Variants in HOXC11 observed in about 807,000 individuals in gnomAD.
HOXC11 encodes the protein homeobox C11.
A neutral mutation model predicts 23.6 loss-of-function variants in HOXC11; 17 were observed. The ratio of observed to expected loss-of-function variants is 0.72; its 90% CI spans 0.49 to 1.08. HOXC11 has a LOEUF of 1.08. Among genes scored for constraint, HOXC11 ranks in the 50% least tolerant of loss-of-function variants. HOXC11 has a pLI of 0.00. For synonymous variants in HOXC11, 196 were observed against 183.8 expected (o/e 1.07, Z -0.54); for missense variants, 413 against 412.1 (o/e 1.00, Z -0.02).
At position 53,976,120 on chromosome 12, in the gene HOXC11, G is replaced by C. The variant is rs1011221103; in HGVS notation, c.*707G>C. 1 of 182,978 alleles carries C rather than the reference G, an allele frequency of 5.5e-6. No individual in the cohort carries two copies. Among genetic ancestry groups the C allele is most frequent in the Admixed American group, 7.3e-5 (1 of 13,710 alleles). 11.3% of individuals were successfully genotyped at this position (182,978 alleles called of 1,614,324 possible). On this transcript the variant is annotated 3_prime_UTR_variant, in exon 2 of 2. Coordinates refer to ENST00000546378, the MANE Select transcript of HOXC11 (RefSeq NM_014212.4). ...ATTTATAGCTATAGTCTATGCAGTC[G>C]TTACCTCTTTTTTTTTTTTTTTTAA...
At position 53,973,279 on chromosome 12, in the gene HOXC11, C is replaced by G. The variant is rs1378508997; in HGVS notation, c.38C>G (p.Pro13Arg). ...GTCAACCTGGGCAACTTCTGCTCTCCGTCGCGCAAGGAGAGGGGCGCAGAT... is the reference window on the plus strand; with the variant it reads ...GTCAACCTGGGCAACTTCTGCTCTCGGTCGCGCAAGGAGAGGGGCGCAGAT... ...NSVNLGNFCS[P>R]SRKERGADFG... The change falls in exon 1 of 2, where the codon CCG becomes CGG. Residue 13 changes from proline to arginine, a missense_variant. Pro to Arg is a moderately radical substitution (Grantham distance 103). Transcript: ENST00000546378. This position sits in a 1 kb window ranked among gnomAD's most constrained non-coding sequence, Gnocchi z 4.3. 2.5e-6 allele frequency: 4 copies of G among 1,613,030 alleles called. No individual in the cohort carries two copies. In the African/African-American group the frequency reaches 5.3e-5, roughly 22 times the overall value.
chr12:53,973,387 C>A lies in HOXC11; in HGVS notation c.146C>A (p.Ser49Tyr), dbSNP rs1337775122. 2.2e-5 allele frequency: 35 copies of A among 1,614,208 alleles called. No individual in the cohort carries two copies. The highest frequency in any genetic ancestry group is 3.0e-5 in the Non-Finnish European group (35 of 1,180,046). Residue 49 changes from serine (S) to tyrosine (Y), a missense_variant, in exon 1 of 2, where the codon TCC becomes TAC. Coordinates refer to ENST00000546378, the MANE Select transcript of HOXC11 (RefSeq NM_014212.4). This position sits in a 1 kb window ranked among gnomAD's most constrained non-coding sequence, Gnocchi z 4.3. ...ATGCCCGAGTTCTCCACGGTCTCCT[C>A]CTTCCTGCCCCAGGCCCCCTCTCGT... ...YYMPEFSTVS[S>Y]FLPQAPSRQI...
Position 53,975,108 on chromosome 12 carries a change from G to A in HOXC11, c.683-73G>A, listed in dbSNP as rs1054246004. 3 of 702,308 alleles carry A rather than the reference G, an allele frequency of 4.3e-6. No homozygotes were observed. The South Asian group carries it at 5.5e-5, about 13-fold the overall frequency. The allele number at this position is 702,308 out of a possible 1,614,324, so 43.5% of individuals were successfully genotyped here. On this transcript the variant is annotated intron_variant, in intron 1 of 1. Transcript: ENST00000546378. ...GGAGAAGGGCCGCTGAGCGCTCAGC[G>A]GGCTGGGGTCGCCCGGGTCTCACGT...
intron 1 of HOXC11, among the ~76,000 whole-genome samples, chr12:53,974,578 G>T (rs1180398443): frequency 6.6e-6 from 1 of 152,148 alleles, no homozygotes; most frequent in Non-Finnish European, 1.5e-5. Context: ...CTGCGTTCCA[G>T]GCGGGGGTCT....
At chr12:53,974,880 G>A (rs1364772969) in intron 1 of HOXC11, 1 of 313,992 alleles carries the variant, frequency 3.2e-6, no homozygotes, top group Non-Finnish European at 5.8e-6. Flanking sequence ...CAGGGGGCCC[G>A]AGGGGACGCA....
intron 1 of HOXC11, 108 bp from the exon 2 acceptor site, chr12:53,975,073 C>G: frequency 1.7e-6 from 1 of 603,854 alleles, no homozygotes; most frequent in Non-Finnish European, 2.9e-6. Context: ...GGGCTGCCCG[C>G]GGTGGGCTAG....
Position 53,976,502 on chromosome 12 carries a change from G to GC in HOXC11, c.*1089_*1090insC, listed in dbSNP as rs1169265798. On this transcript the variant is annotated 3_prime_UTR_variant, in exon 2 of 2. Coordinates refer to ENST00000546378, the MANE Select transcript of HOXC11 (RefSeq NM_014212.4). Reference sequence around the variant, plus strand: ...TCCCATGGCAGCGGCGGAGGAGGAGGAGGCAGGCAGGCAGAGCCCAGCGGG... The same window carrying GC: ...TCCCATGGCAGCGGCGGAGGAGGAGGCAGGCAGGCAGGCAGAGCCCAGCGGG... The GC allele has an allele frequency of 1.7e-5, 3 of 175,262 alleles. No homozygotes were observed. Among genetic ancestry groups the GC allele is most frequent in the Non-Finnish European group, 3.7e-5 (3 of 81,082 alleles). The allele number at this position is 175,262 out of a possible 1,614,324, so 10.9% of individuals were successfully genotyped here. A position where few individuals can be genotyped will look rare whatever the true frequency, so the allele number is the denominator to read the frequency against.
chr12:53,974,322 G>C (rs986136349), intron 1 of HOXC11, among the ~76,000 whole-genome samples: 6 of 151,700 alleles, frequency 4.0e-5, no homozygotes, highest in African/African-American at 1.5e-4. Flanking sequence ...GGAGGGGAGG[G>C]GTGGAGGGGG....
chr12:53,974,786 C>G (rs573081449), intron 1 of HOXC11: 1 of 169,468 alleles, frequency 5.9e-6, no homozygotes, highest in East Asian at 1.7e-4. Context: ...CAGCTTTCCC[C>G]CCAGATTTCT....
rs1051786000 is a variant in HOXC11, at chr12:53,973,961, G to A, written c.682+38G>A. ...GGCCGGGGAACGGGCGGGCAGCGAG[G>A]GAGGGAGCGAGAGAGGGAGGGCGAG... On this transcript the variant is annotated intron_variant, in intron 1 of 1. Transcript: ENST00000546378. The surrounding 1 kb of genome is among the most constrained non-coding windows in gnomAD (Gnocchi z 4.3). 10 of 1,429,192 alleles carry A rather than the reference G, an allele frequency of 7.0e-6. No individual in the cohort carries two copies. The highest frequency in any genetic ancestry group is 9.2e-6 in the Non-Finnish European group (10 of 1,089,556). 88.5% of individuals were successfully genotyped at this position (1,429,192 alleles called of 1,614,324 possible). A position where few individuals can be genotyped will look rare whatever the true frequency, so the allele number is the denominator to read the frequency against.
Position 53,973,464 on chromosome 12 carries a change from T to C in HOXC11, c.223T>C (p.Tyr75His), listed in dbSNP as rs756007846. ...AGTGCCCCCGGTCCGGGAGGTCTCC[T>C]ACGGCCTGGAGCCATCCGGCAAGTG... ...AQVPPVREVS[Y>H]GLEPSGKWHH... Residue 75 changes from tyrosine (Y) to histidine (H), a missense_variant, in exon 1 of 2, where the codon TAC (tyrosine) becomes CAC (histidine). Tyr to His is a moderately conservative substitution (Grantham distance 83, BLOSUM62 2). Coordinates refer to ENST00000546378, the MANE Select transcript of HOXC11 (RefSeq NM_014212.4). The surrounding 1 kb of genome is among the most constrained non-coding windows in gnomAD (Gnocchi z 4.3). The C allele has an allele frequency of 1.9e-6, 3 of 1,614,136 alleles. No homozygotes were observed. The highest frequency in any genetic ancestry group is 2.2e-5 in the East Asian group (1 of 44,864).
chr12:53,975,054 C>T, intron 1 of HOXC11, 127 bp from the exon 2 acceptor site: 1 of 596,656 alleles, frequency 1.7e-6, no homozygotes, highest in Non-Finnish European at 3.0e-6. Context: ...AGCCAGCCGC[C>T]TGGCGGGAGG....
Position 53,976,125 on chromosome 12 carries a change from C to CACTTTT in HOXC11, c.*712_*713insACTTTT. On this transcript the variant is annotated 3_prime_UTR_variant, in exon 2 of 2. Coordinates refer to ENST00000546378, the MANE Select transcript of HOXC11 (RefSeq NM_014212.4). ...TAGCTATAGTCTATGCAGTCGTTAC[C>CACTTTT]TCTTTTTTTTTTTTTTTTAAGAAAA... 1.4e-5 allele frequency: 2 copies of CACTTTT among 146,580 alleles called. No homozygotes were observed. Among genetic ancestry groups the CACTTTT allele is most frequent in the African/African-American group, 4.8e-5 (1 of 20,674 alleles). 9.1% of individuals were successfully genotyped at this position (146,580 alleles called of 1,614,324 possible).
chr12:53,974,034 A>C (rs544712847), intron 1 of HOXC11, 111 bp downstream of exon 1: 1 of 866,104 alleles, frequency 1.2e-6, no homozygotes, highest in Non-Finnish European at 1.7e-6. Flanking sequence ...GTTTTGGGTC[A>C]GTCCGATTTT....
rs1413352928 is a variant in HOXC11, at chr12:53,977,193, A to G, written c.*1780A>G. 2 of 152,218 alleles carry G rather than the reference A, an allele frequency of 1.3e-5. No homozygotes were observed. Among genetic ancestry groups the G allele is most frequent in the African/African-American group, 4.8e-5 (2 of 41,450 alleles). 9.4% of individuals were successfully genotyped at this position (152,218 alleles called of 1,614,324 possible). ...TATATTTGCTGCATGTTTCTTCTGT[A>G]TAAAGATAATCATGGCCCTTGCAGT... On this transcript the variant is annotated 3_prime_UTR_variant, in exon 2 of 2. Transcript: ENST00000546378.
At position 53,973,820 on chromosome 12, in the gene HOXC11, T is replaced by G; in HGVS notation, c.579T>G (p.Ala193=). 6.8e-7 allele frequency: 1 copy of G among 1,467,636 alleles called. No homozygotes were observed. The highest frequency in any genetic ancestry group is 9.1e-7 in the Non-Finnish European group (1 of 1,101,142). 90.9% of individuals were successfully genotyped at this position (1,467,636 alleles called of 1,614,324 possible). A position where few individuals can be genotyped will look rare whatever the true frequency, so the allele number is the denominator to read the frequency against. ...CGGCCTCGGGACTGGCGTCCCGGGC[T>G]GAGGCGGGTGCCGAGGCGGAGGCTG... is the stretch of plus-strand genomic sequence containing the variant. The part of the protein sequence containing the change: ...APPASGLASR[A]EAGAEAEAEE... The change falls in exon 1 of 2, where the codon GCT becomes GCG. Residue 193 remains alanine (A), a synonymous_variant. Coordinates refer to ENST00000546378, the MANE Select transcript of HOXC11 (RefSeq NM_014212.4). The surrounding 1 kb of genome is among the most constrained non-coding windows in gnomAD (Gnocchi z 4.3).
At position 53,975,386 on chromosome 12, in the gene HOXC11, G is replaced by GT; in HGVS notation, c.889dup (p.Tyr297LeufsTer82). ...AGAAACTGAGCAGAGACCGGCTGCA[G>GT]TATTTCTCGGGAAATCCTCTGCTGT... is the stretch of plus-strand genomic sequence containing the variant. On this transcript the variant is annotated frameshift_variant, in exon 2 of 2. Transcript: ENST00000546378. LOFTEE classifies it high-confidence loss of function. 6.2e-7 allele frequency: 1 copy of GT among 1,613,430 alleles called. No homozygotes were observed.
chr12:53,973,969 C>G lies in HOXC11; in HGVS notation c.682+46C>G. On this transcript the variant is annotated intron_variant, in intron 1 of 1. Coordinates refer to ENST00000546378, the MANE Select transcript of HOXC11 (RefSeq NM_014212.4). This position sits in a 1 kb window ranked among gnomAD's most constrained non-coding sequence, Gnocchi z 4.3. ...AACGGGCGGGCAGCGAGGGAGGGAG[C>G]GAGAGAGGGAGGGCGAGAGAAGGGG... is the stretch of plus-strand genomic sequence containing the variant. 3.6e-6 allele frequency: 5 copies of G among 1,402,946 alleles called. No homozygotes were observed. The highest frequency in any genetic ancestry group is 4.7e-6 in the Non-Finnish European group (5 of 1,071,612). The allele number at this position is 1,402,946 out of a possible 1,614,324, so 86.9% of individuals were successfully genotyped here.
In HOXC11 at chr12:53,973,790, A is replaced by AC; in HGVS notation, c.554dup (p.Ala186GlyfsTer9). The AC allele has an allele frequency of 6.3e-7, 1 of 1,596,326 alleles. No homozygotes were observed. Among genetic ancestry groups the AC allele is most frequent in the Non-Finnish European group, 8.5e-7 (1 of 1,172,780 alleles). On this transcript the variant is annotated frameshift_variant, in exon 1 of 2. Coordinates refer to ENST00000546378, the MANE Select transcript of HOXC11 (RefSeq NM_014212.4). LOFTEE classifies it high-confidence loss of function. This position sits in a 1 kb window ranked among gnomAD's most constrained non-coding sequence, Gnocchi z 4.3. ...GCGAGGCCAAGGGGGAGCCCGAGGCACCCCCGGCCTCGGGACTGGCGTCCC... is the reference window on the plus strand; with the variant it reads ...GCGAGGCCAAGGGGGAGCCCGAGGCACCCCCCGGCCTCGGGACTGGCGTCCC...
Sources: allele counts gnomAD v4.1 joint callset (sites outside exome capture counted in the v4.1 genomes callset), GRCh38; gene constraint gnomAD v4.1.1; non-coding constraint Gnocchi (gnomAD v3.1); transcripts MANE v1.5; gene names NCBI Gene and HGNC (gene_info 2026-07-23, HGNC 2026-07-21).